The following EBPL variants were observed in gnomAD, a reference collection of about 807,000 sequenced individuals.
EBPL encodes emopamil-binding protein-like.
EBPL carries 20 observed loss-of-function variants against 19.0 expected under a neutral mutation model. The observed-to-expected ratio is 1.05, with a 90% CI of 0.74 to 1.53. The LOEUF is 1.53. Among genes scored for constraint, EBPL ranks in the 40% most tolerant of loss-of-function variants. The probability of loss-of-function intolerance (pLI) is 0.00; values close to 1 mark genes in which losing one functional copy is unlikely to be tolerated. For synonymous variants in EBPL, 107 were observed against 117.0 expected, an observed-to-expected ratio of 0.91 and a Z score of 0.55; for missense variants, 219 against 261.1, an observed-to-expected ratio of 0.84 and a Z score of 1.11.
In EBPL at chr13:49,675,504, G is replaced by C. The variant is rs1021310204; in HGVS notation, c.172-5658C>G. The stretch of plus-strand genomic sequence containing the variant: ...CATAGTGTCTTCTAGGTTCATCCAT[G>C]TTGTAGCATGTGTCAGAATTTCGTT... On this transcript the variant is annotated intron_variant, in intron 1 of 3. Transcript: ENST00000242827. Among the ~76,000 whole-genome samples the C allele has an allele frequency of 2.6e-5, 4 of 152,316 alleles. No homozygotes were observed. In the East Asian group the frequency reaches 7.7e-4, roughly 29 times the overall value.
intron 2 of EBPL, among the ~76,000 whole-genome samples, chr13:49,663,841 C>A (rs929666925): frequency 7.3e-5 from 11 of 151,704 alleles, no homozygotes; most frequent in African/African-American, 2.4e-4. Context: ...AGGAGAATGG[C>A]ATGAACCCAG....
intron 1 of EBPL, among the ~76,000 whole-genome samples, chr13:49,687,970 C>T (rs1040645038): frequency 1.3e-5 from 2 of 152,218 alleles, no homozygotes; most frequent in African/African-American, 4.8e-5. Flanking sequence ...TTACCTGTCA[C>T]CTTTCCAGCT....
At chr13:49,675,041 C>T (rs1170970964) in intron 1 of EBPL, among the ~76,000 whole-genome samples, 1 of 152,156 alleles carries the variant, frequency 6.6e-6, no homozygotes, top group Non-Finnish European at 1.5e-5. Flanking sequence ...ATTTTAGGTA[C>T]CTCGTGTAAG....
intron 2 of EBPL, among the ~76,000 whole-genome samples, chr13:49,663,723 G>T (rs1038558257): frequency 7.1e-6 from 1 of 140,944 alleles, no homozygotes; most frequent in Non-Finnish European, 1.5e-5. Flanking sequence ...AGATCACGAG[G>T]TCAGGAGATC....
intron 1 of EBPL, among the ~76,000 whole-genome samples, chr13:49,689,668 T>A (rs924862882): frequency 1.3e-5 from 2 of 151,904 alleles, no homozygotes; most frequent in African/African-American, 4.8e-5. Flanking sequence ...TTTATATATA[T>A]ACATTCTGAT....
intron 1 of EBPL, among the ~76,000 whole-genome samples, chr13:49,690,640 C>T (rs1454661887): frequency 6.6e-6 from 1 of 152,188 alleles, no homozygotes; most frequent in Admixed American, 6.5e-5. Context: ...GGGAGCCAGA[C>T]TAGACTGCCT....
chr13:49,684,156 C>T (rs535250612), intron 1 of EBPL, among the ~76,000 whole-genome samples: 3 of 152,238 alleles, frequency 2.0e-5, no homozygotes, highest in South Asian at 4.1e-4. Flanking sequence ...TTACTAGAAG[C>T]GTGATGGAAA....
chr13:49,669,820 T>C lies in EBPL; in HGVS notation c.198A>G (p.Leu66=). The change falls in exon 2 of 4, where the codon TTA becomes TTG. Residue 66 remains leucine, a synonymous_variant. Coordinates refer to ENST00000242827, the MANE Select transcript of EBPL (RefSeq NM_032565.5). ...CATCGGAATTTGCAACGTTTCCTAC[T>C]AAAGACAAGTAGACAAAAGGGCCTT... ...ALEGPFVYLS[L]VGNVANSDGL... 1.2e-6 allele frequency: 2 copies of C among 1,614,048 alleles called. No homozygotes were observed. Among genetic ancestry groups the C allele is most frequent in the Non-Finnish European group, 1.7e-6 (2 of 1,179,936 alleles).
intron 1 of EBPL, among the ~76,000 whole-genome samples, chr13:49,672,127 T>G (rs1199028258): frequency 2.0e-5 from 3 of 152,210 alleles, no homozygotes; most frequent in Non-Finnish European, 2.9e-5. Context: ...CACACATCAT[T>G]GGGATCTGGA....
chr13:49,691,393 G>C lies in EBPL; in HGVS notation c.32C>G (p.Ala11Gly), dbSNP rs781555063. ...GGCGCACAGCAGCAGCGAACCGCCA[G>C]CCTCGGCCCCCAGCTCCCACTCAGC... MGAEWELGAE[A>G]GGSLLLCAAL... The change falls in exon 1 of 4, where the codon GCT becomes GGT. Residue 11 changes from alanine (A) to glycine (G), a missense_variant. This residue lies in a region of EBPL where 170 missense variants were observed against 167.0 expected (regional missense o/e 1.02). Coordinates refer to ENST00000242827, the MANE Select transcript of EBPL (RefSeq NM_032565.5). The C allele has an allele frequency of 7.3e-7, 1 of 1,365,440 alleles. No homozygotes were observed. The highest frequency in any genetic ancestry group is 9.5e-7 in the Non-Finnish European group (1 of 1,055,892). The allele number at this position is 1,365,440 out of a possible 1,614,324, so 84.6% of individuals were successfully genotyped here. A position where few individuals can be genotyped will look rare whatever the true frequency, so the allele number is the denominator to read the frequency against.
At chr13:49,676,948 G>C (rs1262151137) in intron 1 of EBPL, among the ~76,000 whole-genome samples, 1 of 152,106 alleles carries the variant, frequency 6.6e-6, no homozygotes, top group Non-Finnish European at 1.5e-5. Context: ...CATGGGTCCA[G>C]AGGTGTGACT....
At chr13:49,687,674 A>T (rs1395780649) in intron 1 of EBPL, among the ~76,000 whole-genome samples, 1 of 152,166 alleles carries the variant, frequency 6.6e-6, no homozygotes, top group Non-Finnish European at 1.5e-5. Flanking sequence ...GGCCACCACC[A>T]GCTCACAATA....
At chr13:49,670,730 G>T (rs148968015) in intron 1 of EBPL, among the ~76,000 whole-genome samples, 9 of 152,242 alleles carry the variant, frequency 5.9e-5, no homozygotes, top group Non-Finnish European at 1.2e-4. Context: ...TCGAGTTTCT[G>T]ATATATTATT....
chr13:49,671,187 G>A (rs1467178061), intron 1 of EBPL, among the ~76,000 whole-genome samples: 1 of 152,160 alleles, frequency 6.6e-6, no homozygotes, highest in East Asian at 1.9e-4. Context: ...AGATAGGCTG[G>A]AGTGTGGTGG....
At position 49,691,286 on chromosome 13, in the gene EBPL, G is replaced by C; in HGVS notation, c.139C>G (p.Leu47Val). 7.2e-7 allele frequency: 1 copy of C among 1,396,540 alleles called. No homozygotes were observed. The highest frequency in any genetic ancestry group is 9.3e-7 in the Non-Finnish European group (1 of 1,069,792). The allele number at this position is 1,396,540 out of a possible 1,614,324, so 86.5% of individuals were successfully genotyped here. Residue 47 changes from leucine to valine, a missense_variant, in exon 1 of 4, where the codon CTC becomes GTC. Coordinates refer to ENST00000242827, the MANE Select transcript of EBPL (RefSeq NM_032565.5). ...AAGTGCACCAGCGCGTCGTAGCAGA[G>C]CCAGATGAGCGCCCCGCGGTCCGCC... ...GAADRGALIW[L>V]CYDALVHFAL... is the part of the protein sequence containing the mutation.
chr13:49,677,543 T>A (rs1468086173), intron 1 of EBPL, among the ~76,000 whole-genome samples: 3 of 152,176 alleles, frequency 2.0e-5, no homozygotes, highest in Non-Finnish European at 2.9e-5. Flanking sequence ...AAAGACGCCA[T>A]GCAAAAACAA....
chr13:49,678,884 C>T (rs956890742), intron 1 of EBPL, among the ~76,000 whole-genome samples: 6 of 151,536 alleles, frequency 4.0e-5, no homozygotes, highest in Non-Finnish European at 7.4e-5. Context: ...GGGTGGCACG[C>T]GCCTGTATTC....
chr13:49,668,353 C>G (rs1209087475), intron 2 of EBPL: 2 of 223,700 alleles, frequency 8.9e-6, no homozygotes, highest in Non-Finnish European at 1.8e-5. Flanking sequence ...GTGGGCAGAT[C>G]ACGAGGTCAG....
intron 2 of EBPL, among the ~76,000 whole-genome samples, chr13:49,667,084 T>C (rs1711732431): frequency 6.6e-6 from 1 of 151,960 alleles, no homozygotes; most frequent in South Asian, 2.1e-4. Context: ...GGAAGGTTAA[T>C]GCGTGAGAGG....
Sources: allele counts gnomAD v4.1 joint callset (sites outside exome capture counted in the v4.1 genomes callset), GRCh38; gene constraint gnomAD v4.1.1; regional missense constraint gnomAD v4.1.1; transcripts MANE v1.5; gene names NCBI Gene and HGNC (gene_info 2026-07-23, HGNC 2026-07-21).